SAMD3: variants seen among roughly 807,000 people sequenced by gnomAD.
SAMD3 encodes sterile alpha motif domain-containing protein 3.
A neutral mutation model predicts 58.5 loss-of-function variants in SAMD3; 63 were observed. The ratio of observed to expected loss-of-function variants is 1.08; its 90% confidence interval spans 0.88 to 1.33. SAMD3 has a LOEUF of 1.33. SAMD3 is among the 40% of genes most tolerant of loss of function. The probability of loss-of-function intolerance (pLI) is 0.00; values close to 1 mark genes in which losing one functional copy is unlikely to be tolerated. For missense variants in SAMD3, 604 were observed against 608.4 expected, an observed-to-expected ratio of 0.99 and a Z score of 0.08; for synonymous variants, 220 against 210.3, an observed-to-expected ratio of 1.05 and a Z score of -0.40.
intron 2 of SAMD3, among the ~76,000 whole-genome samples, chr6:130,305,964 A>G (rs1257748633): frequency 2.6e-5 from 4 of 152,220 alleles, no homozygotes; most frequent in African/African-American, 9.6e-5. Flanking sequence ...GTCCAGTGAG[A>G]GCCAGCTTTT....
intron 1 of SAMD3, among the ~76,000 whole-genome samples, chr6:130,321,252 C>T (rs1776575867): frequency 6.6e-6 from 1 of 152,112 alleles, no homozygotes; most frequent in Non-Finnish European, 1.5e-5. Context: ...TACGGACAGA[C>T]CTATAAGGCA....
chr6:130,320,773 A>C (rs917279714), intron 1 of SAMD3, among the ~76,000 whole-genome samples: 4 of 152,234 alleles, frequency 2.6e-5, no homozygotes, highest in African/African-American at 9.6e-5. Flanking sequence ...CATTTATATA[A>C]AATTCTTAAA....
At chr6:130,210,270 T>C (rs1795420276) in intron 4 of SAMD3, among the ~76,000 whole-genome samples, 1 of 152,228 alleles carries the variant, frequency 6.6e-6, no homozygotes, top group East Asian at 1.9e-4. Context: ...ATGCTAAATA[T>C]CCTGCCCAGA....
At chr6:130,273,833 G>T (rs191745133) in intron 2 of SAMD3, among the ~76,000 whole-genome samples, 7 of 152,098 alleles carry the variant, frequency 4.6e-5, no homozygotes, top group Middle Eastern at 6.8e-3. Context: ...GTCAAAATTT[G>T]TATCTGTTTA....
At chr6:130,365,708 A>G (rs1778118873), upstream of SAMD3, 2 of 985,430 alleles carry the variant, frequency 2.0e-6, no homozygotes, top group South Asian at 9.4e-5. Context: ...GCCCGGGAAG[A>G]GCGCCTGCAA....
At chr6:130,167,283 A>T (rs755389077) in intron 8 of SAMD3, among the ~76,000 whole-genome samples, 6 of 152,224 alleles carry the variant, frequency 3.9e-5, no homozygotes, top group Admixed American at 3.9e-4. Context: ...AAAAATACAT[A>T]TGAAACGCTT....
chr6:130,337,680 G>C (rs114461779), intron 1 of SAMD3, among the ~76,000 whole-genome samples: 2,904 of 152,310 alleles, frequency 0.019, 90 homozygotes, highest in African/African-American at 0.065. Context: ...TGAAGCCCAG[G>C]CTGAGCTGGT....
At chr6:130,268,678 G>A (rs945859204) in intron 2 of SAMD3, among the ~76,000 whole-genome samples, 7 of 152,114 alleles carry the variant, frequency 4.6e-5, no homozygotes, top group African/African-American at 1.4e-4. Flanking sequence ...GTATAGTAAC[G>A]TGTTGTAAAG....
chr6:130,155,511 C>T (rs1789697078), intron 8 of SAMD3, among the ~76,000 whole-genome samples: 1 of 152,100 alleles, frequency 6.6e-6, no homozygotes, highest in Admixed American at 6.5e-5. Context: ...AATCATTAAA[C>T]TAATAATTTT....
chr6:130,317,440 T>C (rs1183692486), intron 1 of SAMD3, among the ~76,000 whole-genome samples: 1 of 152,220 alleles, frequency 6.6e-6, no homozygotes, highest in African/African-American at 2.4e-5. Context: ...ACTATGTATA[T>C]CTCTCCTAAC....
At chr6:130,254,170 TTTTATTTA>T (rs144371874) in intron 2 of SAMD3, among the ~76,000 whole-genome samples, 2 of 149,674 alleles carry the variant, frequency 1.3e-5, no homozygotes, top group East Asian at 2.0e-4. Flanking sequence ...CTTTTTGTAT[TTTTATTTA>T]TTTATTTATT....
chr6:130,341,754 G>A (rs1362701120), intron 1 of SAMD3, among the ~76,000 whole-genome samples: 3 of 152,102 alleles, frequency 2.0e-5, no homozygotes, highest in Non-Finnish European at 4.4e-5. Context: ...TAAACACATG[G>A]AAACATGATC....
At chr6:130,278,375 C>T (rs989065268) in intron 2 of SAMD3, among the ~76,000 whole-genome samples, 9 of 152,200 alleles carry the variant, frequency 5.9e-5, no homozygotes, top group African/African-American at 2.2e-4. Flanking sequence ...ATAGCCAGCT[C>T]TGTGTGAATT....
rs543917159 is a variant in SAMD3, at chr6:130,242,714, C to T, written c.-187-19901G>A. On this transcript the variant is annotated intron_variant, in intron 2 of 13. Transcript: ENST00000368134. The stretch of plus-strand genomic sequence containing the variant: ...ATCCAGAGCTGGCCTGTCCAAAGAG[C>T]TCTCCCTCTGCTCAAATCAGGAAGC... 5.9e-5 allele frequency among the ~76,000 whole-genome samples: 9 copies of T among 152,330 alleles called. 1 individual carries two copies. The highest frequency in any genetic ancestry group is 2.2e-4 in the African/African-American group (9 of 41,576).
At chr6:130,352,287 T>C (rs1469735145) in intron 1 of SAMD3, among the ~76,000 whole-genome samples, 3 of 152,154 alleles carry the variant, frequency 2.0e-5, no homozygotes, top group Non-Finnish European at 2.9e-5. Flanking sequence ...CAAGGAGCTA[T>C]ATTAATAAAT....
intron 8 of SAMD3, among the ~76,000 whole-genome samples, chr6:130,158,085 T>C (rs1301598411): frequency 6.6e-6 from 1 of 152,192 alleles, no homozygotes; most frequent in African/African-American, 2.4e-5. Context: ...GCCTATTATG[T>C]TCACAGCTAG....
At chr6:130,257,245 C>T (rs1351089482) in intron 2 of SAMD3, among the ~76,000 whole-genome samples, 2 of 152,056 alleles carry the variant, frequency 1.3e-5, no homozygotes, top group African/African-American at 4.8e-5. Flanking sequence ...ACTGAATTGG[C>T]CAGCACCTTG....
intron 1 of SAMD3, among the ~76,000 whole-genome samples, chr6:130,338,178 A>G (rs1166439625): frequency 6.6e-6 from 1 of 152,244 alleles, no homozygotes; most frequent in Non-Finnish European, 1.5e-5. Flanking sequence ...GGGCCATGAT[A>G]CAGCTTGGAC....
At chr6:130,324,284 C>T (rs944315644) in intron 1 of SAMD3, among the ~76,000 whole-genome samples, 2 of 152,026 alleles carry the variant, frequency 1.3e-5, no homozygotes, top group Non-Finnish European at 2.9e-5. Context: ...AGATTAGAAA[C>T]GAGGACTCAT....
Sources: allele counts gnomAD v4.1 joint callset (sites outside exome capture counted in the v4.1 genomes callset), GRCh38; gene constraint gnomAD v4.1.1; transcripts MANE v1.5; gene names NCBI Gene and HGNC (gene_info 2026-07-23, HGNC 2026-07-21).